Variants in FRMD6 observed in about 807,000 individuals in gnomAD.
FRMD6 encodes the protein FERM domain-containing protein 6.
A neutral mutation model predicts 73.2 loss-of-function variants in FRMD6; 37 were observed. That is an observed-to-expected ratio of 0.51 (90% CI 0.39 to 0.66). The LOEUF (loss-of-function observed/expected upper bound fraction) is 0.66. FRMD6 is among the 30% of genes least tolerant of loss of function. FRMD6 has a pLI of 0.00. For missense variants in FRMD6, 714 were observed against 780.5 expected (o/e 0.91, Z 1.02); for synonymous variants, 273 against 282.2 (o/e 0.97, Z 0.33).
chr14:51,634,952 T>A (rs904106266), intron 2 of FRMD6, among the ~76,000 whole-genome samples: 2 of 152,248 alleles, frequency 1.3e-5, no homozygotes, highest in African/African-American at 4.8e-5. Flanking sequence ...TGCTTGGTTG[T>A]TAAGCTGCTG....
intron 2 of FRMD6, chr14:51,637,252 TA>T (rs1891607083): frequency 6.6e-6 from 1 of 152,080 alleles, no homozygotes; most frequent in African/African-American, 2.4e-5. Flanking sequence ...ATTTCACATT[TA>T]AAAAATAAAT....
chr14:51,698,822 C>T (rs1288559917), intron 3 of FRMD6, among the ~76,000 whole-genome samples: 1 of 151,980 alleles, frequency 6.6e-6, no homozygotes, highest in East Asian at 1.9e-4. Context: ...GCTTTCTTCT[C>T]TCATAACACC....
chr14:51,644,384 C>A (rs1566523325), intron 2 of FRMD6, among the ~76,000 whole-genome samples: 1 of 122,038 alleles, frequency 8.2e-6, no homozygotes, highest in Non-Finnish European at 1.8e-5. Context: ...CACACACACA[C>A]ACACTCACTC....
At chr14:51,486,543 G>A (rs1882763873), upstream of FRMD6, among the ~76,000 whole-genome samples, 1 of 152,140 alleles carries the variant, frequency 6.6e-6, no homozygotes, top group South Asian at 2.1e-4. Context: ...TATCATAACT[G>A]GCACTGAAAA....
intron 2 of FRMD6, among the ~76,000 whole-genome samples, chr14:51,581,703 C>A (rs1446475390): frequency 6.6e-6 from 1 of 152,158 alleles, no homozygotes; most frequent in Non-Finnish European, 1.5e-5. Context: ...AGATACTTGC[C>A]GAATTCTTGG....
At chr14:51,713,097 G>T (rs763694560) in intron 9 of FRMD6, among the ~76,000 whole-genome samples, 2 of 151,950 alleles carry the variant, frequency 1.3e-5, no homozygotes, top group Non-Finnish European at 2.9e-5. Flanking sequence ...TCTTTTGCCA[G>T]CTATATCCGT....
intron 1 of FRMD6, among the ~76,000 whole-genome samples, chr14:51,652,691 C>T (rs1209469679): frequency 6.6e-6 from 1 of 152,204 alleles, no homozygotes; most frequent in Non-Finnish European, 1.5e-5. Flanking sequence ...GGGGTGCGGC[C>T]TGCAGAATTT....
intron 1 of FRMD6, among the ~76,000 whole-genome samples, chr14:51,556,125 G>A (rs2139469778): frequency 6.6e-6 from 1 of 152,288 alleles, no homozygotes; most frequent in South Asian, 2.1e-4. Context: ...TGGTGAATTA[G>A]TTAAACAAGG....
At position 51,701,147 on chromosome 14, in the gene FRMD6, C is replaced by T. The variant is rs773843809; in HGVS notation, c.282C>T (p.Tyr94=). 42 of 1,553,340 alleles carry T rather than the reference C, an allele frequency of 2.7e-5. No homozygotes were observed. The South Asian group carries it at 3.4e-4, about 13-fold the overall frequency. ...AAGAGGCCAGCAAGGTACGACAATA[C>T]GAAGTCACTTGGGTGAGATTACATT... ...WKKEASKVRQ[Y]EVTWGIDQFG... Residue 94 remains tyrosine, a synonymous_variant, in exon 4 of 14, where the codon TAC becomes TAT. Transcript: ENST00000344768.
the FRMD6 span, among the ~76,000 whole-genome samples, chr14:51,452,965 C>G: frequency 1.3e-5 from 2 of 152,074 alleles, no homozygotes; most frequent in South Asian, 4.2e-4. Flanking sequence ...CAGGTTGCTT[C>G]CAGGGAGAAC....
chr14:51,697,596 T>A (rs1896033133), intron 2 of FRMD6, among the ~76,000 whole-genome samples: 1 of 152,116 alleles, frequency 6.6e-6, no homozygotes, highest in African/African-American at 2.4e-5. Context: ...TAGTTAATGA[T>A]GATGTATACT....
chr14:51,660,005 A>G (rs746365777), intron 1 of FRMD6, among the ~76,000 whole-genome samples: 3 of 152,252 alleles, frequency 2.0e-5, no homozygotes, highest in Non-Finnish European at 4.4e-5. Context: ...TAAAAAAGGT[A>G]CAGGATCCTC....
the FRMD6 span, among the ~76,000 whole-genome samples, chr14:51,473,085 A>C: frequency 1.3e-5 from 2 of 152,194 alleles, no homozygotes; most frequent in Non-Finnish European, 2.9e-5. Flanking sequence ...CAACAGGAAA[A>C]GCACTGGGAA....
Position 51,564,117 on chromosome 14 carries a change from T to C in FRMD6, c.-209-6231T>C, listed in dbSNP as rs116002239. ...CAATATTACTTCACACCCCCACAGATTGGCCCGATTTCCTCCACGAGCCTC... is the reference window on the plus strand; with the variant it reads ...CAATATTACTTCACACCCCCACAGACTGGCCCGATTTCCTCCACGAGCCTC... On this transcript the variant is annotated intron_variant, in intron 1 of 14. Transcript: ENST00000356218. Among the ~76,000 whole-genome samples, 1,303 of 152,294 alleles carry C rather than the reference T, an allele frequency of 8.6e-3. 15 individuals are homozygous for C. Among genetic ancestry groups the C allele is most frequent in the African/African-American group, 0.03 (1,235 of 41,558 alleles).
intron 10 of FRMD6, chr14:51,717,212 T>C (rs1897286859): frequency 6.6e-6 from 1 of 152,186 alleles, no homozygotes; most frequent in Non-Finnish European, 1.5e-5. Flanking sequence ...GACCACAGAC[T>C]AGGTAAGTTC....
chr14:51,645,055 G>A (rs1168199516), intron 2 of FRMD6, among the ~76,000 whole-genome samples: 2 of 152,166 alleles, frequency 1.3e-5, no homozygotes, highest in Non-Finnish European at 2.9e-5. Flanking sequence ...AAGAACTGAA[G>A]TATAAGAAGT....
intron 2 of FRMD6, among the ~76,000 whole-genome samples, chr14:51,690,788 G>GT (rs1488967586): frequency 1.3e-5 from 2 of 152,150 alleles, no homozygotes; most frequent in Non-Finnish European, 2.9e-5. Flanking sequence ...GCACTAAGCT[G>GT]TTGCTTATGG....
intron 1 of FRMD6, among the ~76,000 whole-genome samples, chr14:51,655,759 C>T (rs17666653): frequency 0.24 from 36,245 of 152,042 alleles, 4,528 homozygotes; most frequent in African/African-American, 0.33. Context: ...TGATTAGAAT[C>T]AAGGTGCCCT....
At chr14:51,562,181 A>AT (rs1887520047) in intron 1 of FRMD6, among the ~76,000 whole-genome samples, 1 of 152,190 alleles carries the variant, frequency 6.6e-6, no homozygotes, top group African/African-American at 2.4e-5. Context: ...TATCCCGCCC[A>AT]TCCCTGCATC....
Sources: allele counts gnomAD v4.1 joint callset (sites outside exome capture counted in the v4.1 genomes callset), GRCh38; gene constraint gnomAD v4.1.1; transcripts MANE v1.5; gene names NCBI Gene and HGNC (gene_info 2026-07-23, HGNC 2026-07-21).